The following SORCS2 variants were observed in gnomAD, a reference collection of about 807,000 sequenced individuals.
SORCS2 encodes the protein VPS10 domain-containing receptor SorCS2.
In SORCS2, 100 loss-of-function variants were observed where a neutral mutation model predicts 141.6. That is an observed-to-expected ratio of 0.71 (90% CI 0.60 to 0.83). The LOEUF is 0.83. Among genes scored for constraint, SORCS2 ranks in the 40% least tolerant of loss-of-function variants. The pLI is 0.00. For synonymous variants in SORCS2, 789 were observed against 676.9 expected, an observed-to-expected ratio of 1.17 and a Z score of -2.57; for missense variants, 1,646 against 1,560.2, an observed-to-expected ratio of 1.05 and a Z score of -0.93.
rs530447256 is a variant in SORCS2, at chr4:7,740,665, C to G, written c.*401C>G. 4 of 278,966 alleles carry G rather than the reference C, an allele frequency of 1.4e-5. No individual in the cohort carries two copies. The highest frequency in any genetic ancestry group is 2.7e-5 in the Non-Finnish European group (4 of 147,188). 17.3% of individuals were successfully genotyped at this position (278,966 alleles called of 1,614,324 possible). A position where few individuals can be genotyped will look rare whatever the true frequency, so the allele number is the denominator to read the frequency against. The stretch of plus-strand genomic sequence containing the variant: ...CCGTTCAGACACTGCGTTGCGGGCT[C>G]CTTCCCCGCAGAGGCCGGGGCCTCC... On this transcript the variant is annotated 3_prime_UTR_variant, in exon 27 of 27. Coordinates refer to ENST00000507866, the MANE Select transcript of SORCS2 (RefSeq NM_020777.3).
intron 3 of SORCS2, among the ~76,000 whole-genome samples, chr4:7,573,862 A>C (rs1354336564): frequency 6.7e-6 from 1 of 149,062 alleles, no homozygotes; most frequent in East Asian, 2.1e-4. Context: ...GGTGAATTTC[A>C]AGTGGCTGTC....
intron 1 of SORCS2, among the ~76,000 whole-genome samples, chr4:7,395,497 T>C (rs1229508088): frequency 6.6e-6 from 1 of 152,190 alleles, no homozygotes; most frequent in African/African-American, 2.4e-5. Context: ...GGGAAAATCT[T>C]TTTCCCATCA....
intron 14 of SORCS2, among the ~76,000 whole-genome samples, chr4:7,711,994 G>A (rs1196626391): frequency 6.6e-6 from 1 of 152,154 alleles, no homozygotes; most frequent in East Asian, 1.9e-4. Flanking sequence ...GGGGCCACAG[G>A]CTCTACCCCA....
At chr4:7,369,769 G>A (rs149476298) in intron 1 of SORCS2, among the ~76,000 whole-genome samples, 12 of 152,258 alleles carry the variant, frequency 7.9e-5, no homozygotes, top group East Asian at 1.9e-4. Context: ...AGATCCACCC[G>A]TGGATTTCGT....
chr4:7,258,507 T>C (rs1714075292), intron 1 of SORCS2, among the ~76,000 whole-genome samples: 1 of 152,228 alleles, frequency 6.6e-6, no homozygotes, highest in Admixed American at 6.5e-5. Context: ...TAGTATCCCA[T>C]GGTGTATATG....
chr4:7,281,279 G>T (rs1027299902), intron 1 of SORCS2, among the ~76,000 whole-genome samples: 2 of 152,162 alleles, frequency 1.3e-5, no homozygotes, highest in East Asian at 3.9e-4. Context: ...ATTCTCTCTC[G>T]GGGGGACCAT....
intron 4 of SORCS2, among the ~76,000 whole-genome samples, chr4:7,640,126 C>G (rs530909269): frequency 6.7e-6 from 1 of 149,170 alleles, no homozygotes; most frequent in Non-Finnish European, 1.5e-5. Flanking sequence ...GCTATGTTAG[C>G]GAGTGTGAGT....
chr4:7,401,388 T>G (rs1302812583), intron 2 of SORCS2, among the ~76,000 whole-genome samples: 1 of 151,976 alleles, frequency 6.6e-6, no homozygotes, highest in Non-Finnish European at 1.5e-5. Flanking sequence ...GAAGAAAGGA[T>G]GGATGGTGAT....
In SORCS2 at chr4:7,741,138, C is replaced by T. The variant is rs1189672459; in HGVS notation, c.*874C>T. 5.0e-6 allele frequency: 2 copies of T among 398,536 alleles called. No individual in the cohort carries two copies. The highest frequency in any genetic ancestry group is 1.3e-4 in the South Asian group (1 of 7,856). 24.7% of individuals were successfully genotyped at this position (398,536 alleles called of 1,614,324 possible). On this transcript the variant is annotated 3_prime_UTR_variant, in exon 27 of 27. Coordinates refer to ENST00000507866, the MANE Select transcript of SORCS2 (RefSeq NM_020777.3). The stretch of plus-strand genomic sequence containing the variant: ...TGGGCTCTGGAAGGAGCCAGATGCC[C>T]CCAGAAAGGTGGGTGGTGGAGACGG...
At chr4:7,249,761 C>A (rs1348332620) in intron 1 of SORCS2, among the ~76,000 whole-genome samples, 1 of 152,212 alleles carries the variant, frequency 6.6e-6, no homozygotes, top group African/African-American at 2.4e-5. Context: ...AACTCCCTTC[C>A]CCTCCTGCGG....
chr4:7,424,536 C>T (rs139687097), intron 2 of SORCS2, among the ~76,000 whole-genome samples: 326 of 152,324 alleles, frequency 2.1e-3, no homozygotes, highest in African/African-American at 7.1e-3. Flanking sequence ...GATCTAGAGG[C>T]TTTCCCAAGT....
At position 7,676,183 on chromosome 4, in the gene SORCS2, G is replaced by A. The variant is rs754337600; in HGVS notation, c.1295G>A (p.Arg432His). 1.2e-5 allele frequency: 19 copies of A among 1,554,108 alleles called. No individual in the cohort carries two copies. The highest frequency in any genetic ancestry group is 2.4e-5 in the East Asian group (1 of 41,072). Residue 432 changes from arginine (R) to histidine (H), a missense_variant, in exon 9 of 27, where the codon CGC (arginine) becomes CAC (histidine). By Grantham distance (29) the Arg-to-His change is conservative. Transcript: ENST00000507866. ...TACGCGCTGGTGCTGCAGGACGTGCGCAGCTCACGGCAGGCGGAGGAGAGC... is the reference window on the plus strand; with the variant it reads ...TACGCGCTGGTGCTGCAGGACGTGCACAGCTCACGGCAGGCGGAGGAGAGC... Reference protein sequence around the residue: ...VRYALVLQDVRSSRQAEESVL... With the variant: ...VRYALVLQDVHSSRQAEESVL...
intron 1 of SORCS2, among the ~76,000 whole-genome samples, chr4:7,272,895 C>T (rs1715242405): frequency 6.6e-6 from 1 of 152,252 alleles, no homozygotes; most frequent in South Asian, 2.1e-4. Context: ...TCTCCAAGAC[C>T]CTCTTTGCTC....
intron 1 of SORCS2, among the ~76,000 whole-genome samples, chr4:7,325,115 G>T (rs1430554780): frequency 6.6e-6 from 1 of 152,198 alleles, no homozygotes; most frequent in Non-Finnish European, 1.5e-5. Flanking sequence ...CATCTCCCCA[G>T]GTCCCCAGGC....
At chr4:7,721,000 G>T (rs1577116152) in intron 18 of SORCS2, among the ~76,000 whole-genome samples, 2 of 152,224 alleles carry the variant, frequency 1.3e-5, no homozygotes, top group East Asian at 3.8e-4. Context: ...TCATATCAGA[G>T]TAATGAAGAC....
rs370783166 is a variant in SORCS2 at position 7,309,700 on chromosome 4, C to T, written c.481-86588C>T. Reference sequence around the variant, plus strand: ...GTGGTTACCATACACCTTCTTTCCTCGAGGCTCTGGGCTACCTGCTGGGGT... The same window carrying T: ...GTGGTTACCATACACCTTCTTTCCTTGAGGCTCTGGGCTACCTGCTGGGGT... On this transcript the variant is annotated intron_variant, in intron 1 of 26. Transcript: ENST00000507866. Among the ~76,000 whole-genome samples, 6 of 152,288 alleles carry T rather than the reference C, an allele frequency of 3.9e-5. No individual in the cohort carries two copies. In the East Asian group the frequency reaches 5.8e-4, roughly 15 times the overall value.
intron 5 of SORCS2, among the ~76,000 whole-genome samples, chr4:7,657,773 A>T (rs1411699629): frequency 6.6e-6 from 1 of 151,762 alleles, no homozygotes; most frequent in African/African-American, 2.4e-5. Context: ...TGAGTGAGTG[A>T]GTCTGTGACT....
chr4:7,427,029 G>A (rs1176219647), intron 2 of SORCS2, among the ~76,000 whole-genome samples: 4 of 152,208 alleles, frequency 2.6e-5, no homozygotes, highest in African/African-American at 9.6e-5. Context: ...GGGGGGCACA[G>A]GGAAAGAGCG....
At position 7,729,731 on chromosome 4, in the gene SORCS2, G is replaced by A; in HGVS notation, c.3108+19G>A. 2.5e-6 allele frequency: 4 copies of A among 1,605,518 alleles called. No individual in the cohort carries two copies. Among genetic ancestry groups the A allele is most frequent in the Non-Finnish European group, 2.6e-6 (3 of 1,174,946 alleles). ...TGATAAGGTATGTCCTGTGGCCGCT[G>A]CACTCCCAGGTCCTCCCTGCACATC... On this transcript the variant is annotated intron_variant, in intron 23 of 26. Transcript: ENST00000507866.
Sources: gnomAD v4.1 joint callset for allele counts (sites outside exome capture counted in the v4.1 genomes callset) on GRCh38, gnomAD v4.1.1 for gene constraint, MANE v1.5 for transcripts, NCBI Gene and HGNC (gene_info 2026-07-23, HGNC 2026-07-21) for gene names.